SYNE1: variants seen among roughly 807,000 people sequenced by gnomAD.
SYNE1 encodes the protein spectrin repeat containing nuclear envelope protein 1, also known as nesprin-1.
SYNE1 carries 616 observed loss-of-function variants against 1,111.0 expected under a neutral mutation model. That is an observed-to-expected ratio of 0.55 (90% confidence interval 0.52 to 0.59). The LOEUF is 0.59. Among genes scored for constraint, SYNE1 ranks in the 20% least tolerant of loss-of-function variants. The pLI, the probability that SYNE1 is intolerant of heterozygous loss-of-function variation, is 0.00. For missense variants in SYNE1, 10,006 were observed against 10,417.0 expected (o/e 0.96, Z 1.72); for synonymous variants, 3,855 against 3,825.8 (o/e 1.01, Z -0.28).
At chr6:152,183,777 A>G (rs1191083764) in intron 128 of SYNE1, among the ~76,000 whole-genome samples, 1 of 152,154 alleles carries the variant, frequency 6.6e-6, no homozygotes, top group African/African-American at 2.4e-5. Context: ...ATAGGTAAGT[A>G]TTATTATCCC....
At chr6:152,262,317 T>C in intron 100 of SYNE1, 129 bp from the exon 101 acceptor site, 1 of 841,420 alleles carries the variant, frequency 1.2e-6, no homozygotes, top group African/African-American at 1.7e-5. Flanking sequence ...GCTTACACTT[T>C]AAAAATAACA....
At chr6:152,493,350 G>T (rs1322101748) in intron 11 of SYNE1, among the ~76,000 whole-genome samples, 1 of 151,982 alleles carries the variant, frequency 6.6e-6, no homozygotes, top group Non-Finnish European at 1.5e-5. Flanking sequence ...TTCTGTTCTG[G>T]ATTTCAAAGA....
At chr6:152,621,173 C>T (rs758788019) in intron 3 of SYNE1, among the ~76,000 whole-genome samples, 13 of 152,266 alleles carry the variant, frequency 8.5e-5, no homozygotes, top group Non-Finnish European at 1.3e-4. Context: ...AAAGTAGTAA[C>T]ATTTGGCTGA....
intron 20 of SYNE1, 26 bp downstream of exon 20, chr6:152,462,712 T>A: frequency 6.2e-7 from 1 of 1,613,854 alleles, no homozygotes; most frequent in South Asian, 1.1e-5. Context: ...GAGTAGGCTT[T>A]TCATTTTGAT....
At chr6:152,224,251 TA>T (rs2080934797) in intron 117 of SYNE1, among the ~76,000 whole-genome samples, 1 of 152,218 alleles carries the variant, frequency 6.6e-6, no homozygotes, top group South Asian at 2.1e-4. Context: ...ACGATGTGAA[TA>T]TTTTTTTACA....
chr6:152,609,922 A>G (rs572477675), intron 3 of SYNE1, among the ~76,000 whole-genome samples: 97 of 152,332 alleles, frequency 6.4e-4, no homozygotes, highest in African/African-American at 2.3e-3. Context: ...TGGAAGGAAA[A>G]CTAACAAACA....
rs1301472714 is a variant in SYNE1 at position 152,207,973 on chromosome 6, T to C, written c.22823A>G (p.Gln7608Arg). The change falls in exon 125 of 146, where the codon CAG becomes CGG. Residue 7608 changes from glutamine (Q) to arginine (R), a missense_variant and splice_region_variant. By Grantham distance (43) the Gln-to-Arg change is conservative (BLOSUM62 1). This residue lies in a region of SYNE1 where 2,182 missense variants were observed against 2,287.8 expected (regional missense o/e 0.95). Transcript: ENST00000367255. ...QQARTLFDEV[Q>R]FKEKVFLRQQ... ...AGAACACTGTGTTTTGCATCTTACC[T>C]GCACTTCATCAAAGAGGGTCCTTGC... 6.2e-7 allele frequency: 1 copy of C among 1,614,076 alleles called. No homozygotes were observed. The highest frequency in any genetic ancestry group is 1.7e-5 in the Admixed American group (1 of 60,018).
At chr6:152,234,214 C>T (rs761526719) in intron 111 of SYNE1, among the ~76,000 whole-genome samples, 10 of 152,222 alleles carry the variant, frequency 6.6e-5, no homozygotes, top group Non-Finnish European at 1.5e-4. Context: ...AATTATGGAA[C>T]ACACATAGTC....
At chr6:152,267,360 T>C (rs1399412220) in intron 100 of SYNE1, among the ~76,000 whole-genome samples, 1 of 152,216 alleles carries the variant, frequency 6.6e-6, no homozygotes, top group Admixed American at 6.5e-5. Context: ...ATCCTCTCAG[T>C]TGACATTCAT....
chr6:152,150,490 G>T (rs2060218993), intron 135 of SYNE1, among the ~76,000 whole-genome samples: 2 of 152,166 alleles, frequency 1.3e-5, no homozygotes, highest in Admixed American at 1.3e-4. Flanking sequence ...TCAGGGGAGA[G>T]GGTGAGGCAG....
intron 72 of SYNE1, 87 bp from the exon 73 acceptor site, chr6:152,347,322 T>A: frequency 6.9e-7 from 1 of 1,450,890 alleles, no homozygotes; most frequent in Non-Finnish European, 9.5e-7. Context: ...TATTTCACTG[T>A]TTAATATTGT....
intron 4 of SYNE1, among the ~76,000 whole-genome samples, chr6:152,536,064 T>G (rs2099234563): frequency 6.6e-6 from 1 of 151,818 alleles, no homozygotes; most frequent in Admixed American, 6.6e-5. Flanking sequence ...ACACCCACTT[T>G]CCTATTCCCA....
Position 152,425,479 on chromosome 6 carries a change from CAAT to C in SYNE1, c.5166_5168del (p.Leu1723del). ...CATCATCTTTGGAGGCTACTGAGAA[CAAT>C]GATTCCTTCAATTGCAAAAGTTTGC... On this transcript the variant is annotated inframe_deletion, in exon 39 of 146. Coordinates refer to ENST00000367255, the MANE Select transcript of SYNE1 (RefSeq NM_182961.4). The C allele has an allele frequency of 6.2e-7, 1 of 1,614,168 alleles. No homozygotes were observed. The highest frequency in any genetic ancestry group is 8.5e-7 in the Non-Finnish European group (1 of 1,180,026).
Position 152,259,867 on chromosome 6 carries a change from T to A in SYNE1, c.18972+2165A>T, listed in dbSNP as rs149897150. ...AACAAAGCACTCAAATGCAAAAATG[T>A]CATTAAAAAAAGAACATTCAATGCT... On this transcript the variant is annotated intron_variant, in intron 101 of 145. Coordinates refer to ENST00000367255, the MANE Select transcript of SYNE1 (RefSeq NM_182961.4). 2.3e-3 allele frequency among the ~76,000 whole-genome samples: 350 copies of A among 152,184 alleles called. 1 individual carries two copies. Among genetic ancestry groups the A allele is most frequent in the African/African-American group, 8.2e-3 (339 of 41,514 alleles).
chr6:152,305,453 C>T (rs530315333), intron 91 of SYNE1, among the ~76,000 whole-genome samples: 14 of 151,994 alleles, frequency 9.2e-5, no homozygotes, highest in East Asian at 1.9e-4. Context: ...TTAGTAGAGA[C>T]GGGGTTTCAC....
At chr6:152,455,709 G>T in intron 23 of SYNE1, 119 bp from the exon 24 acceptor site, 1 of 1,430,668 alleles carries the variant, frequency 7.0e-7, no homozygotes, top group Non-Finnish European at 9.7e-7. Context: ...ATCATCATGG[G>T]AATAATTAAC....
chr6:152,134,149 T>C (rs1414524741), intron 142 of SYNE1: 1 of 153,658 alleles, frequency 6.5e-6, no homozygotes, highest in Non-Finnish European at 1.4e-5. Context: ...ATAAAGTCAC[T>C]TAAATATACT....
intron 6 of SYNE1, among the ~76,000 whole-genome samples, chr6:152,518,118 G>C (rs75835345): frequency 6.6e-6 from 1 of 151,354 alleles, no homozygotes; most frequent in African/African-American, 2.4e-5. Context: ...ATAGTTTTTT[G>C]ACTGGATACT....
rs570479383 is a variant in SYNE1 at position 152,217,012 on chromosome 6, G to A, written c.22191+1245C>T. 9.1e-4 allele frequency among the ~76,000 whole-genome samples: 135 copies of A among 149,102 alleles called. 1 individual carries two copies. The highest frequency in any genetic ancestry group is 1.8e-3 in the Admixed American group (27 of 14,932). ...TGGGAGGCAGGGGTTGCAGTGAGCCGAGATCGTGCCACTGCACTCCAGCCT... is the reference window on the plus strand; with the variant it reads ...TGGGAGGCAGGGGTTGCAGTGAGCCAAGATCGTGCCACTGCACTCCAGCCT... On this transcript the variant is annotated intron_variant, in intron 121 of 145. Coordinates refer to ENST00000367255, the MANE Select transcript of SYNE1 (RefSeq NM_182961.4).
Sources: allele counts gnomAD v4.1 joint callset (sites outside exome capture counted in the v4.1 genomes callset), GRCh38; gene constraint gnomAD v4.1.1; regional missense constraint gnomAD v4.1.1; transcripts MANE v1.5; gene names NCBI Gene and HGNC (gene_info 2026-07-23, HGNC 2026-07-21).